The following MTMR7 variants were observed in gnomAD, a reference collection of about 807,000 sequenced individuals.
MTMR7 encodes myotubularin related protein 7.
MTMR7 carries 76 observed loss-of-function variants against 81.2 expected under a neutral mutation model. That is an observed-to-expected ratio of 0.94 (90% confidence interval 0.78 to 1.13). The LOEUF is 1.13. Ranked by LOEUF, MTMR7 falls within the 50% of genes most tolerant of loss-of-function variation. MTMR7 has a pLI of 0.00. For missense variants in MTMR7, 1,044 were observed against 820.0 expected, an observed-to-expected ratio of 1.27 and a Z score of -3.34; for synonymous variants, 372 against 289.8, an observed-to-expected ratio of 1.28 and a Z score of -2.88.
chr8:17,373,067 T>G, intron 2 of MTMR7, 51 bp downstream of exon 2: 1 of 1,602,052 alleles, frequency 6.2e-7, no homozygotes, highest in Non-Finnish European at 8.5e-7. Flanking sequence ...GCAAACACTT[T>G]TTGCTTCAAA....
chr8:17,346,884 TAAAAAAAAA>T (rs55910829), intron 5 of MTMR7, among the ~76,000 whole-genome samples: 3 of 65,040 alleles, frequency 4.6e-5, no homozygotes, highest in African/African-American at 1.1e-4. Flanking sequence ...CCTATCTTAA[TAAAAAAAAA>T]AAAAAAAAAA....
At chr8:17,369,695 G>C (rs1383938963) in intron 3 of MTMR7, among the ~76,000 whole-genome samples, 2 of 144,278 alleles carry the variant, frequency 1.4e-5, no homozygotes, top group Non-Finnish European at 3.0e-5. Flanking sequence ...ACCCAGGCTG[G>C]AGTGCAGTGG....
rs181388127 is a variant in MTMR7 at position 17,331,059 on chromosome 8, A to G, written c.865+91T>C. ...TCTTCCCAAATTATCACACCTATGT[A>G]AAAACATTTTAAAATCAAGACTATC... On this transcript the variant is annotated intron_variant, in intron 7 of 13. Coordinates refer to ENST00000180173, the MANE Select transcript of MTMR7 (RefSeq NM_004686.5). The G allele has an allele frequency of 6.1e-6, 9 of 1,466,932 alleles. No homozygotes were observed. The East Asian group carries it at 2.1e-4, about 34-fold the overall frequency. 90.9% of individuals were successfully genotyped at this position (1,466,932 alleles called of 1,614,324 possible).
chr8:17,410,229 G>A (rs78137307), intron 1 of MTMR7, among the ~76,000 whole-genome samples: 49 of 152,264 alleles, frequency 3.2e-4, no homozygotes, highest in African/African-American at 1.1e-3. Flanking sequence ...GTCTGTTTTG[G>A]AGGTTATCAC....
Position 17,299,657 on chromosome 8 carries a change from C to A in MTMR7, c.*205G>T. ...GAGCTTCAAAATGGTGAATAATTTT[C>A]CTTATATTTGATAAATGAAATGACT... On this transcript the variant is annotated 3_prime_UTR_variant, in exon 14 of 14. Coordinates refer to ENST00000180173, the MANE Select transcript of MTMR7 (RefSeq NM_004686.5). 1.6e-6 allele frequency: 1 copy of A among 632,806 alleles called. No individual in the cohort carries two copies. Among genetic ancestry groups the A allele is most frequent in the Non-Finnish European group, 2.6e-6 (1 of 378,140 alleles). The allele number at this position is 632,806 out of a possible 1,614,324, so 39.2% of individuals were successfully genotyped here.
At chr8:17,323,608 C>A (rs1023556736) in intron 7 of MTMR7, among the ~76,000 whole-genome samples, 1 of 152,052 alleles carries the variant, frequency 6.6e-6, no homozygotes, top group Admixed American at 6.6e-5. Flanking sequence ...GCCAGTAACT[C>A]AAGTGGTAAA....
chr8:17,408,770 G>C (rs1401999657), intron 1 of MTMR7, among the ~76,000 whole-genome samples: 1 of 152,102 alleles, frequency 6.6e-6, no homozygotes, highest in Non-Finnish European at 1.5e-5. Flanking sequence ...AGAAGTATAA[G>C]ATATTATCAT....
intron 1 of MTMR7, among the ~76,000 whole-genome samples, chr8:17,401,225 A>G (rs1359769508): frequency 6.6e-6 from 1 of 152,158 alleles, no homozygotes; most frequent in Non-Finnish European, 1.5e-5. Flanking sequence ...ATATGTGATG[A>G]TAAATTGGCT....
At chr8:17,325,100 T>A (rs1216465116) in intron 7 of MTMR7, among the ~76,000 whole-genome samples, 1 of 152,122 alleles carries the variant, frequency 6.6e-6, no homozygotes, top group Non-Finnish European at 1.5e-5. Flanking sequence ...CGGAAGAATG[T>A]GTCGAGCAAA....
intron 4 of MTMR7, among the ~76,000 whole-genome samples, chr8:17,350,165 A>G (rs1393624009): frequency 1.3e-5 from 2 of 152,204 alleles, no homozygotes; most frequent in Non-Finnish European, 2.9e-5. Flanking sequence ...GTCCTGGGAT[A>G]TGTCAGGCAC....
chr8:17,396,624 C>A (rs1821260735), intron 1 of MTMR7, among the ~76,000 whole-genome samples: 1 of 152,064 alleles, frequency 6.6e-6, no homozygotes, highest in South Asian at 2.1e-4. Context: ...GCTCCCAGGT[C>A]CTCGGTAAAT....
intron 9 of MTMR7, among the ~76,000 whole-genome samples, chr8:17,311,180 A>C (rs901729240): frequency 2.6e-5 from 4 of 152,172 alleles, no homozygotes; most frequent in South Asian, 2.1e-4. Context: ...TTACATATTC[A>C]TGTTACCTCA....
chr8:17,321,700 C>A (rs1251525623), intron 7 of MTMR7, among the ~76,000 whole-genome samples: 1 of 152,152 alleles, frequency 6.6e-6, no homozygotes, highest in Non-Finnish European at 1.5e-5. Flanking sequence ...ATTTACAAAC[C>A]ATTTTGCTGA....
chr8:17,392,525 T>C (rs1355486744), intron 1 of MTMR7, among the ~76,000 whole-genome samples: 1 of 152,266 alleles, frequency 6.6e-6, no homozygotes, highest in African/African-American at 2.4e-5. Context: ...TCCCACTTTC[T>C]TCTCCATACT....
At chr8:17,404,274 T>C (rs1425561423) in intron 1 of MTMR7, among the ~76,000 whole-genome samples, 3 of 151,882 alleles carry the variant, frequency 2.0e-5, no homozygotes, top group Admixed American at 1.3e-4. Flanking sequence ...AAAAAGAGGA[T>C]TGAAGGATAA....
At chr8:17,322,964 T>C (rs1454277832) in intron 7 of MTMR7, among the ~76,000 whole-genome samples, 1 of 150,546 alleles carries the variant, frequency 6.6e-6, no homozygotes, top group Non-Finnish European at 1.5e-5. Flanking sequence ...TTTTTTTTTT[T>C]TTTGAGACAG....
In MTMR7 at chr8:17,331,204, T is replaced by A. The variant is rs1281895819; in HGVS notation, c.811A>T (p.Ile271Phe). 1 of 1,612,912 alleles carries A rather than the reference T, an allele frequency of 6.2e-7. No homozygotes were observed. The highest frequency in any genetic ancestry group is 1.1e-5 in the South Asian group (1 of 90,784). ...DNYSNIKFQF[I>F]GIENIHVMRN... ...ATGACATGGATGTTCTCTATCCCGA[T>A]AAACTGAAACTTGATATTGGAATAA... is the stretch of plus-strand genomic sequence containing the variant. The change falls in exon 7 of 14, where the codon ATC (isoleucine) becomes TTC (phenylalanine). Residue 271 changes from isoleucine (I) to phenylalanine (F), a missense_variant. By Grantham distance (21) the Ile-to-Phe change is conservative. Transcript: ENST00000180173.
At chr8:17,404,687 A>C (rs1266934443) in intron 1 of MTMR7, among the ~76,000 whole-genome samples, 2 of 152,180 alleles carry the variant, frequency 1.3e-5, no homozygotes, top group African/African-American at 4.8e-5. Flanking sequence ...AAAATCTTTA[A>C]AATATATATA....
chr8:17,386,270 C>G (rs1218817924), intron 1 of MTMR7, among the ~76,000 whole-genome samples: 2 of 152,168 alleles, frequency 1.3e-5, no homozygotes, highest in Non-Finnish European at 2.9e-5. Flanking sequence ...CCCAGCTAAT[C>G]AGAGGGCTAA....
Sources: gnomAD v4.1 joint callset for allele counts (sites outside exome capture counted in the v4.1 genomes callset) on GRCh38, gnomAD v4.1.1 for gene constraint, MANE v1.5 for transcripts, NCBI Gene and HGNC (gene_info 2026-07-23, HGNC 2026-07-21) for gene names.